The following HDAC4 variants were observed in gnomAD, a reference collection of about 807,000 sequenced individuals.
HDAC4 encodes the protein histone deacetylase A.
HDAC4 carries 16 observed loss-of-function variants against 135.1 expected under a neutral mutation model. The ratio of observed to expected loss-of-function variants is 0.12; its 90% CI spans 0.08 to 0.18. The LOEUF is 0.18. Ranked by LOEUF, HDAC4 falls within the 10% of genes least tolerant of loss-of-function variation. The probability of loss-of-function intolerance (pLI) is 1.00; values close to 1 mark genes in which losing one functional copy is unlikely to be tolerated. For synonymous variants in HDAC4, 685 were observed against 653.4 expected (o/e 1.05, Z -0.74); for missense variants, 1,143 against 1,511.8 (o/e 0.76, Z 4.05).
chr2:239,133,362 G>T (rs1262460364), intron 11 of HDAC4, among the ~76,000 whole-genome samples: 1 of 152,192 alleles, frequency 6.6e-6, no homozygotes, highest in Non-Finnish European at 1.5e-5. Flanking sequence ...AGCTCTGAGG[G>T]TATTTCAGCT....
chr2:239,138,276 G>T (rs1180359789), intron 9 of HDAC4, among the ~76,000 whole-genome samples: 1 of 152,202 alleles, frequency 6.6e-6, no homozygotes, highest in Non-Finnish European at 1.5e-5. Context: ...TGGGGATTAA[G>T]CAGCCTGGAG....
chr2:239,312,437 C>T (rs1004132710), intron 2 of HDAC4, among the ~76,000 whole-genome samples: 1 of 152,174 alleles, frequency 6.6e-6, no homozygotes, highest in Non-Finnish European at 1.5e-5. Flanking sequence ...AGGGCACGCA[C>T]GCACGTAGTT....
chr2:239,299,650 T>TAAGA lies in HDAC4; in HGVS notation c.22+53027_22+53028insTCTT, dbSNP rs1379359339. Among the ~76,000 whole-genome samples, 1 of 152,206 alleles carries TAAGA rather than the reference T, an allele frequency of 6.6e-6. No individual in the cohort carries two copies. Among genetic ancestry groups the TAAGA allele is most frequent in the Non-Finnish European group, 1.5e-5 (1 of 68,038 alleles). The stretch of plus-strand genomic sequence containing the variant: ...TAGGATGCACTGAAACAAAAGCCAA[T>TAAGA]TCCTTGAGTGAGAAGCGTCATGGGT... On this transcript the variant is annotated intron_variant, in intron 2 of 26. Transcript: ENST00000543185. The surrounding 1 kb of genome is among the most constrained non-coding windows in gnomAD (Gnocchi z 4.0).
intron 12 of HDAC4, among the ~76,000 whole-genome samples, chr2:239,118,947 CA>C (rs2039386078): frequency 1.3e-5 from 2 of 152,296 alleles, no homozygotes; most frequent in Middle Eastern, 3.4e-3. Context: ...CTGTGGGGGG[CA>C]GGGAGAACAG....
At chr2:239,064,051 G>A (rs990183625) in intron 24 of HDAC4, among the ~76,000 whole-genome samples, 1 of 152,180 alleles carries the variant, frequency 6.6e-6, no homozygotes, top group Non-Finnish European at 1.5e-5. Flanking sequence ...GCAGAGAGAC[G>A]GAGCCTCGTA....
At position 239,146,021 on chromosome 2, in the gene HDAC4, C is replaced by T. The variant is rs1022021278; in HGVS notation, c.734-1307G>A. On this transcript the variant is annotated intron_variant, in intron 7 of 26. Coordinates refer to ENST00000543185, the MANE Select transcript of HDAC4 (RefSeq NM_001378414.1). The surrounding 1 kb of genome is among the most constrained non-coding windows in gnomAD (Gnocchi z 4.5). ...AGGCGCTGTGAGAAGGTACCAGACT[C>T]TAAGCCTCTGCAGGGAGCGAGGCCT... Among the ~76,000 whole-genome samples, 6 of 152,192 alleles carry T rather than the reference C, an allele frequency of 3.9e-5. No individual in the cohort carries two copies. Among genetic ancestry groups the T allele is most frequent in the Non-Finnish European group, 8.8e-5 (6 of 68,034 alleles).
rs946003722 is a variant in HDAC4 at position 239,372,273 on chromosome 2, AG to A, written c.-219-19356del. ...AAAAGGCCCTCAAGCCGGCACTGGA[AG>A]GGCCCAGCTACTCATCCGACCGCTC... On this transcript the variant is annotated intron_variant, in intron 1 of 26. Coordinates refer to ENST00000543185, the MANE Select transcript of HDAC4 (RefSeq NM_001378414.1). Among the ~76,000 whole-genome samples the A allele has an allele frequency of 5.9e-5, 9 of 152,180 alleles. 1 individual carries two copies. Among genetic ancestry groups the A allele is most frequent in the African/African-American group, 2.2e-4 (9 of 41,462 alleles).
chr2:239,372,551 C>T (rs999897376), intron 1 of HDAC4, among the ~76,000 whole-genome samples: 13 of 152,234 alleles, frequency 8.5e-5, no homozygotes, highest in Admixed American at 3.3e-4. Flanking sequence ...GCACTCCACA[C>T]GCTGCTCTGC....
At chr2:239,205,329 C>T (rs916714131) in intron 3 of HDAC4, among the ~76,000 whole-genome samples, 1 of 152,176 alleles carries the variant, frequency 6.6e-6, no homozygotes, top group African/African-American at 2.4e-5. Flanking sequence ...CAGCAGACCG[C>T]TGAGACAGAG....
intron 12 of HDAC4, among the ~76,000 whole-genome samples, chr2:239,124,052 G>A (rs1037966633): frequency 3.9e-5 from 6 of 152,146 alleles, no homozygotes; most frequent in Middle Eastern, 3.4e-3. Context: ...GACAATAAAC[G>A]GAGAAATGAT....
At chr2:239,383,713 G>A (rs1040097781) in intron 1 of HDAC4, among the ~76,000 whole-genome samples, 2 of 152,224 alleles carry the variant, frequency 1.3e-5, no homozygotes, top group Non-Finnish European at 2.9e-5. Context: ...GGCGTGGGGT[G>A]GGGGGCAGGG....
At chr2:239,063,166 C>CCCATCCT (rs1285615115) in intron 24 of HDAC4, among the ~76,000 whole-genome samples, 1 of 152,132 alleles carries the variant, frequency 6.6e-6, no homozygotes, top group African/African-American at 2.4e-5. Flanking sequence ...GTTCCCATCC[C>CCCATCCT]CCATCCTCCC....
chr2:239,340,138 T>C (rs1034052676), intron 2 of HDAC4, among the ~76,000 whole-genome samples: 2 of 152,156 alleles, frequency 1.3e-5, no homozygotes, highest in Non-Finnish European at 1.5e-5. Flanking sequence ...CTGGTGCTGC[T>C]GCTCCCTCAC....
chr2:239,053,776 A>G (rs1364758694), intron 25 of HDAC4, among the ~76,000 whole-genome samples, 175 bp from the exon 26 acceptor site: 2 of 152,180 alleles, frequency 1.3e-5, no homozygotes, highest in Non-Finnish European at 2.9e-5. Context: ...ACAAACTCAC[A>G]AAGACCCAAA....
At chr2:239,067,820 G>A (rs1367449261) in intron 23 of HDAC4, among the ~76,000 whole-genome samples, 1 of 152,222 alleles carries the variant, frequency 6.6e-6, no homozygotes, top group Non-Finnish European at 1.5e-5. Flanking sequence ...CATACACTGT[G>A]GACGCTGGGG....
Position 239,084,199 on chromosome 2 carries a change from G to A in HDAC4, c.2488C>T (p.Leu830=). 6.2e-7 allele frequency: 1 copy of A among 1,613,632 alleles called. No individual in the cohort carries two copies. The highest frequency in any genetic ancestry group is 8.5e-7 in the Non-Finnish European group (1 of 1,179,720). Residue 830 remains leucine (L), a synonymous_variant, in exon 20 of 27, where the codon CTG becomes TTG. Transcript: ENST00000543185. ...TTGCTCACGCTCAACCTCTGCTGCAGAAGCTTGGCTGCCACGGCCACGGAG... is the reference window on the plus strand; with the variant it reads ...TTGCTCACGCTCAACCTCTGCTGCAAAAGCTTGGCTGCCACGGCCACGGAG... ...FNSVAVAAKL[L]QQRLSVSKIL...
At chr2:239,394,193 T>C (rs1413020013) in intron 1 of HDAC4, among the ~76,000 whole-genome samples, 1 of 152,194 alleles carries the variant, frequency 6.6e-6, no homozygotes, top group Non-Finnish European at 1.5e-5. Context: ...TGTTTCAAGC[T>C]TAAACATCAA....
At chr2:239,111,795 A>G (rs1264456994) in intron 13 of HDAC4, 83 bp from the exon 14 acceptor site, 1 of 1,315,838 alleles carries the variant, frequency 7.6e-7, no homozygotes, top group African/African-American at 1.5e-5. Context: ...CCTCTCTTGC[A>G]AGTCTCCCGT....
chr2:239,237,985 C>T (rs542017937), intron 2 of HDAC4, among the ~76,000 whole-genome samples: 5 of 152,276 alleles, frequency 3.3e-5, no homozygotes, highest in South Asian at 4.2e-4. Context: ...GGAGAAAGAC[C>T]GGCAGGTCAT....
Sources: gnomAD v4.1 joint callset for allele counts (sites outside exome capture counted in the v4.1 genomes callset) on GRCh38, gnomAD v4.1.1 for gene constraint, Gnocchi (gnomAD v3.1) non-coding constraint, MANE v1.5 for transcripts, NCBI Gene and HGNC (gene_info 2026-07-23, HGNC 2026-07-21) for gene names.